The following AGAP1 variants were observed in gnomAD, a reference collection of about 807,000 sequenced individuals.
AGAP1 encodes arf-GAP with GTPase, ANK repeat and PH domain-containing protein 1.
Under a neutral mutation model 105.3 loss-of-function variants are expected in AGAP1, and 29 were observed. The observed-to-expected ratio is 0.28, with a 90% CI of 0.21 to 0.38. The LOEUF (loss-of-function observed/expected upper bound fraction) is 0.38. AGAP1 is among the 10% of genes least tolerant of loss of function. The pLI is 1.00. For synonymous variants in AGAP1, 509 were observed against 485.9 expected, an observed-to-expected ratio of 1.05 and a Z score of -0.63; for missense variants, 998 against 1,165.1, an observed-to-expected ratio of 0.86 and a Z score of 2.09.
chr2:235,808,723 A>G (rs1957972423), intron 9 of AGAP1, among the ~76,000 whole-genome samples: 1 of 152,196 alleles, frequency 6.6e-6, no homozygotes, highest in Non-Finnish European at 1.5e-5. Context: ...TATGTAAGAT[A>G]CATGATCATC....
chr2:235,706,797 G>C (rs1950558466), intron 1 of AGAP1, among the ~76,000 whole-genome samples: 1 of 152,194 alleles, frequency 6.6e-6, no homozygotes. Context: ...CTGCATTTTG[G>C]AGTCATCATC....
rs372829272 is a variant in AGAP1 at position 236,078,840 on chromosome 2, C to T, written c.2114+29559C>T. Among the ~76,000 whole-genome samples the T allele has an allele frequency of 6.6e-6, 1 of 152,180 alleles. No individual in the cohort carries two copies. The highest frequency in any genetic ancestry group is 1.5e-5 in the Non-Finnish European group (1 of 68,014). ...CTCCTACCCCTGCAGCGGCCCCATC[C>T]CACGTGGTTAAGTGGGTGGCCACAC... On this transcript the variant is annotated intron_variant, in intron 16 of 17. Coordinates refer to ENST00000304032, the MANE Select transcript of AGAP1 (RefSeq NM_001037131.3). The surrounding 1 kb of genome is among the most constrained non-coding windows in gnomAD (Gnocchi z 5.3).
At chr2:235,780,025 C>T (rs1442369308) in intron 6 of AGAP1, among the ~76,000 whole-genome samples, 3 of 152,120 alleles carry the variant, frequency 2.0e-5, no homozygotes, top group South Asian at 2.1e-4. Flanking sequence ...TTTGATGAAG[C>T]GGTTCATGCA....
chr2:235,686,661 ATATATTTTT>A (rs1949457313), intron 1 of AGAP1, among the ~76,000 whole-genome samples: 2 of 48,436 alleles, frequency 4.1e-5, no homozygotes, highest in African/African-American at 1.3e-4. Context: ...ATATATATAT[ATATATTTTT>A]TTTTTTTTTT....
intron 12 of AGAP1, among the ~76,000 whole-genome samples, chr2:235,945,210 C>T (rs879448879): frequency 2.6e-5 from 4 of 152,186 alleles, no homozygotes; most frequent in Non-Finnish European, 5.9e-5. Flanking sequence ...CCGCCATTCT[C>T]CTGCCTCAGC....
At chr2:235,680,067 T>C (rs1440966366) in intron 1 of AGAP1, among the ~76,000 whole-genome samples, 3 of 152,174 alleles carry the variant, frequency 2.0e-5, no homozygotes, top group African/African-American at 4.8e-5. Flanking sequence ...CAAACTTAGA[T>C]AGTGGTTGAG....
rs148478340 is a variant in AGAP1 at position 235,872,570 on chromosome 2, C to T, written c.1051-10775C>T. ...CTTCCGGCCTCTGTCATCTTCTGGC[C>T]AGTAGGATCACGGCTTCATGTCCTC... is the stretch of plus-strand genomic sequence containing the variant. On this transcript the variant is annotated intron_variant, in intron 9 of 17. Coordinates refer to ENST00000304032, the MANE Select transcript of AGAP1 (RefSeq NM_001037131.3). The surrounding 1 kb of genome is among the most constrained non-coding windows in gnomAD (Gnocchi z 4.5). Among the ~76,000 whole-genome samples, 1 of 152,310 alleles carries T rather than the reference C, an allele frequency of 6.6e-6. No individual in the cohort carries two copies. Among genetic ancestry groups the T allele is most frequent in the Admixed American group, 6.5e-5 (1 of 15,312 alleles).
chr2:235,579,754 C>A (rs1944866047), intron 1 of AGAP1, among the ~76,000 whole-genome samples: 1 of 150,560 alleles, frequency 6.6e-6, no homozygotes, highest in Non-Finnish European at 1.5e-5. Flanking sequence ...CCAGCCTGGG[C>A]AACAGAGCGA....
In AGAP1 at chr2:235,893,071, G is replaced by T. The variant is rs896582606; in HGVS notation, c.1155+9622G>T. Among the ~76,000 whole-genome samples, 2 of 152,170 alleles carry T rather than the reference G, an allele frequency of 1.3e-5. No homozygotes were observed. Among genetic ancestry groups the T allele is most frequent in the Non-Finnish European group, 2.9e-5 (2 of 68,026 alleles). On this transcript the variant is annotated intron_variant, in intron 10 of 17. Transcript: ENST00000304032. This position sits in a 1 kb window ranked among gnomAD's most constrained non-coding sequence, Gnocchi z 4.7. Reference sequence around the variant, plus strand: ...CTAAGGTGCTTGGAGCTGTCCTTTGGCCTTTCATGTGCTGTGTCTGTGGTG... The same window carrying T: ...CTAAGGTGCTTGGAGCTGTCCTTTGTCCTTTCATGTGCTGTGTCTGTGGTG...
Position 236,126,020 on chromosome 2 carries a change from C to G in AGAP1, c.*1898C>G, listed in dbSNP as rs1027570903. On this transcript the variant is annotated 3_prime_UTR_variant, in exon 18 of 18. Transcript: ENST00000304032. Reference sequence around the variant, plus strand: ...ACCTTATATTTTATAAGAGTTTTTCCTCTTATTTCACTTTTTAAAAAAAAT... The same window carrying G: ...ACCTTATATTTTATAAGAGTTTTTCGTCTTATTTCACTTTTTAAAAAAAAT... 6.6e-6 allele frequency: 1 copy of G among 151,858 alleles called. No individual in the cohort carries two copies. The highest frequency in any genetic ancestry group is 1.5e-5 in the Non-Finnish European group (1 of 68,016). The allele number at this position is 151,858 out of a possible 1,614,324, so 9.4% of individuals were successfully genotyped here. A position where few individuals can be genotyped will look rare whatever the true frequency, so the allele number is the denominator to read the frequency against.
Position 236,012,001 on chromosome 2 carries a change from A to G in AGAP1, c.1646-24560A>G, listed in dbSNP as rs1193154149. Among the ~76,000 whole-genome samples, 2 of 152,166 alleles carry G rather than the reference A, an allele frequency of 1.3e-5. No individual in the cohort carries two copies. The highest frequency in any genetic ancestry group is 4.8e-5 in the African/African-American group (2 of 41,442). On this transcript the variant is annotated intron_variant, in intron 13 of 17. Transcript: ENST00000304032. This position sits in a 1 kb window ranked among gnomAD's most constrained non-coding sequence, Gnocchi z 4.9. ...AATAGGATTGTATTTTCTTGTTGAGAAGCTTCTAAACAAGGGAACTTAGAG... is the reference window on the plus strand; with the variant it reads ...AATAGGATTGTATTTTCTTGTTGAGGAGCTTCTAAACAAGGGAACTTAGAG...
rs2059866655 is a variant in AGAP1, at chr2:236,120,188, G to A, written c.2115-4G>A. ...GACTGCACCTGTCTGGTGGCTCTTT[G>A]CAGGGAAGAGAAGGAACGGTGGATC... On this transcript the variant is annotated splice_polypyrimidine_tract_variant and splice_region_variant and intron_variant, in intron 16 of 17. Coordinates refer to ENST00000304032, the MANE Select transcript of AGAP1 (RefSeq NM_001037131.3). This position sits in a 1 kb window ranked among gnomAD's most constrained non-coding sequence, Gnocchi z 6.0. The A allele has an allele frequency of 1.2e-6, 2 of 1,606,672 alleles. No homozygotes were observed. The highest frequency in any genetic ancestry group is 2.2e-5 in the South Asian group (2 of 89,810).
At chr2:235,948,929 G>A (rs2053613803) in intron 12 of AGAP1, among the ~76,000 whole-genome samples, 1 of 152,216 alleles carries the variant, frequency 6.6e-6, no homozygotes, top group South Asian at 2.1e-4. Context: ...CAGCATTCCA[G>A]TGTTATCTGG....
At chr2:235,686,379 G>A (rs1363315323) in intron 1 of AGAP1, among the ~76,000 whole-genome samples, 3 of 151,772 alleles carry the variant, frequency 2.0e-5, no homozygotes, top group African/African-American at 4.8e-5. Flanking sequence ...GGAAGGCAGA[G>A]CTTCTATATT....
chr2:235,590,934 G>A (rs1474335347), intron 1 of AGAP1, among the ~76,000 whole-genome samples: 1 of 151,538 alleles, frequency 6.6e-6, no homozygotes, highest in South Asian at 2.1e-4. Context: ...TGTTAGCCAG[G>A]ATGGTCTCGA....
At chr2:235,590,377 G>A (rs1945284992) in intron 1 of AGAP1, among the ~76,000 whole-genome samples, 2 of 152,166 alleles carry the variant, frequency 1.3e-5, no homozygotes, top group Admixed American at 1.3e-4. Context: ...TGACCAGGGA[G>A]TGTCTGCACA....
chr2:235,716,705 G>T lies in AGAP1; in HGVS notation c.223-852G>T, dbSNP rs1354409830. On this transcript the variant is annotated intron_variant, in intron 2 of 17. Coordinates refer to ENST00000304032, the MANE Select transcript of AGAP1 (RefSeq NM_001037131.3). The surrounding 1 kb of genome is among the most constrained non-coding windows in gnomAD (Gnocchi z 4.0). ...CAGCTTCCCAGAGAAGGCGGCATGG[G>T]GGGTATCCAGCTCCCAAGCACAGGG... 6.6e-6 allele frequency among the ~76,000 whole-genome samples: 1 copy of T among 152,092 alleles called. No individual in the cohort carries two copies. The highest frequency in any genetic ancestry group is 1.5e-5 in the Non-Finnish European group (1 of 68,020).
Position 235,535,342 on chromosome 2 carries a change from C to T in AGAP1, c.163+40493C>T, listed in dbSNP as rs1005366336. ...GTTCAAGAAAATGAAGTACTGCATG[C>T]GACGAGCAAGTTTATTGAAGAGGGT... On this transcript the variant is annotated intron_variant, in intron 1 of 17. Coordinates refer to ENST00000304032, the MANE Select transcript of AGAP1 (RefSeq NM_001037131.3). This position sits in a 1 kb window ranked among gnomAD's most constrained non-coding sequence, Gnocchi z 5.1. Among the ~76,000 whole-genome samples the T allele has an allele frequency of 1.3e-5, 2 of 152,144 alleles. No homozygotes were observed. Among genetic ancestry groups the T allele is most frequent in the Admixed American group, 6.5e-5 (1 of 15,278 alleles).
intron 1 of AGAP1, among the ~76,000 whole-genome samples, chr2:235,562,504 C>T (rs1368619156): frequency 6.6e-6 from 1 of 152,080 alleles, no homozygotes; most frequent in African/African-American, 2.4e-5. Flanking sequence ...AGTCAACTCG[C>T]CAAGGTGCCT....
Sources: allele counts gnomAD v4.1 joint callset (sites outside exome capture counted in the v4.1 genomes callset), GRCh38; gene constraint gnomAD v4.1.1; non-coding constraint Gnocchi (gnomAD v3.1); transcripts MANE v1.5; gene names NCBI Gene and HGNC (gene_info 2026-07-23, HGNC 2026-07-21).